Variants in EXOC6B observed in about 807,000 individuals in gnomAD.
The protein encoded by EXOC6B is exocyst complex component 6B, also known as SEC15 homolog B.
EXOC6B carries 54 observed loss-of-function variants against 113.5 expected under a neutral mutation model. The ratio of observed to expected loss-of-function variants is 0.48; its 90% confidence interval spans 0.38 to 0.60. The LOEUF (loss-of-function observed/expected upper bound fraction) is 0.60, where lower values mean the gene tolerates loss of function less well. Among genes scored for constraint, EXOC6B ranks in the 20% least tolerant of loss-of-function variants. EXOC6B has a pLI of 0.00. For missense variants in EXOC6B, 797 were observed against 977.5 expected, an observed-to-expected ratio of 0.82 and a Z score of 2.46; for synonymous variants, 357 against 339.0, an observed-to-expected ratio of 1.05 and a Z score of -0.58.
chr2:72,182,854 T>G, intron 21 of EXOC6B: 2 of 1,222,526 alleles, frequency 1.6e-6, no homozygotes, highest in Middle Eastern at 6.3e-4. Context: ...AGGACTTGCC[T>G]CAAAGTGATG....
intron 18 of EXOC6B, among the ~76,000 whole-genome samples, chr2:72,392,005 G>A (rs980352039): frequency 6.6e-6 from 1 of 152,070 alleles, no homozygotes; most frequent in Non-Finnish European, 1.5e-5. Context: ...TTCATGTAAT[G>A]AGCTGTTATT....
At chr2:72,522,098 A>G (rs531462849) in intron 8 of EXOC6B, among the ~76,000 whole-genome samples, 2 of 152,180 alleles carry the variant, frequency 1.3e-5, no homozygotes, top group Middle Eastern at 3.2e-3. Flanking sequence ...AATTTTTTTT[A>G]TCATTTAGTT....
chr2:72,438,621 C>T (rs967104279), intron 18 of EXOC6B, among the ~76,000 whole-genome samples: 1 of 151,836 alleles, frequency 6.6e-6, no homozygotes, highest in African/African-American at 2.4e-5. Flanking sequence ...AACACTATCT[C>T]TCGAGAAAAA....
intron 11 of EXOC6B, among the ~76,000 whole-genome samples, chr2:72,503,471 C>A (rs555537271): frequency 6.6e-6 from 1 of 152,248 alleles, no homozygotes; most frequent in Admixed American, 6.5e-5. Flanking sequence ...AGATTGGCTT[C>A]TTTCATTTAG....
intron 1 of EXOC6B, among the ~76,000 whole-genome samples, chr2:72,810,810 T>TGGCA (rs1685868270): frequency 6.6e-6 from 1 of 151,920 alleles, no homozygotes; most frequent in Non-Finnish European, 1.5e-5. Context: ...TAGTAGCACT[T>TGGCA]TGGAAGGCTG....
intron 6 of EXOC6B, 47 bp downstream of exon 6, chr2:72,718,056 A>C (rs777785874): frequency 6.9e-7 from 1 of 1,450,734 alleles, no homozygotes. Flanking sequence ...TGTTTAACTC[A>C]ATACTGATAA....
intron 20 of EXOC6B, among the ~76,000 whole-genome samples, chr2:72,224,705 C>T (rs1164628062): frequency 6.6e-6 from 1 of 152,044 alleles, no homozygotes; most frequent in African/African-American, 2.4e-5. Context: ...TCTCCACTCA[C>T]TGCAGCCTCA....
intron 8 of EXOC6B, among the ~76,000 whole-genome samples, chr2:72,523,957 G>T (rs1701632942): frequency 6.6e-6 from 1 of 151,592 alleles, no homozygotes; most frequent in African/African-American, 2.4e-5. Flanking sequence ...AGCAACTAAG[G>T]ACAACCATAC....
rs193024582 is a variant in EXOC6B at position 72,549,625 on chromosome 2, G to A, written c.915+9828C>T. Among the ~76,000 whole-genome samples, 309 of 152,276 alleles carry A rather than the reference G, an allele frequency of 2.0e-3. 3 individuals carry two copies. Among genetic ancestry groups the A allele is most frequent in the African/African-American group, 7.1e-3 (294 of 41,556 alleles). On this transcript the variant is annotated intron_variant, in intron 8 of 21. Coordinates refer to ENST00000272427, the MANE Select transcript of EXOC6B (RefSeq NM_015189.3). Reference sequence around the variant, plus strand: ...GAGATACAGAGTTTATGCTGCCTGTGAATATCCGAAAGGTTCTGTTCACTA... The same window carrying A: ...GAGATACAGAGTTTATGCTGCCTGTAAATATCCGAAAGGTTCTGTTCACTA...
intron 8 of EXOC6B, among the ~76,000 whole-genome samples, chr2:72,538,919 A>T (rs1001503910): frequency 1.3e-5 from 2 of 151,918 alleles, no homozygotes; most frequent in African/African-American, 4.8e-5. Flanking sequence ...ACAGAACTCT[A>T]TGGATGAGCC....
rs370314310 is a variant in EXOC6B at position 72,341,321 on chromosome 2, T to A, written c.2123-6301A>T. On this transcript the variant is annotated intron_variant, in intron 19 of 21. Coordinates refer to ENST00000272427, the MANE Select transcript of EXOC6B (RefSeq NM_015189.3). ...TACCACAATTTTAAAAAGAATAATA[T>A]CCACAAATCATGTCTGACAAAGGAC... is the stretch of plus-strand genomic sequence containing the variant. Among the ~76,000 whole-genome samples the A allele has an allele frequency of 1.3e-4, 20 of 152,212 alleles. 1 individual carries two copies. The highest frequency in any genetic ancestry group is 4.6e-4 in the African/African-American group (19 of 41,540).
intron 7 of EXOC6B, among the ~76,000 whole-genome samples, chr2:72,567,360 T>A (rs1248495207): frequency 1.3e-5 from 2 of 152,050 alleles, no homozygotes; most frequent in Non-Finnish European, 2.9e-5. Flanking sequence ...ATTCTGCAAC[T>A]ATTTTCTGGG....
chr2:72,745,052 A>C (rs988884577), intron 1 of EXOC6B, among the ~76,000 whole-genome samples: 6 of 152,166 alleles, frequency 3.9e-5, no homozygotes, highest in Non-Finnish European at 7.4e-5. Flanking sequence ...TTCTCTTAAA[A>C]GTACTAGCTT....
chr2:72,253,604 A>G (rs1683159596), intron 20 of EXOC6B, among the ~76,000 whole-genome samples: 1 of 152,188 alleles, frequency 6.6e-6, no homozygotes, highest in Admixed American at 6.5e-5. Context: ...ACAGAAAACC[A>G]AACACCGCAT....
At position 72,596,155 on chromosome 2, in the gene EXOC6B, GT is replaced by G. The variant is rs1208238645; in HGVS notation, c.670-20488del. 2.6e-5 allele frequency among the ~76,000 whole-genome samples: 4 copies of G among 152,176 alleles called. No homozygotes were observed. In the East Asian group the frequency reaches 7.7e-4, roughly 29 times the overall value. ...AGACTTCTGGTTTCAGCTCCAAAGT[GT>G]GAAAAGCTTAGAAGCTGTGACTCCC... On this transcript the variant is annotated intron_variant, in intron 6 of 21. Coordinates refer to ENST00000272427, the MANE Select transcript of EXOC6B (RefSeq NM_015189.3).
chr2:72,775,548 C>T (rs1683646838), intron 1 of EXOC6B, among the ~76,000 whole-genome samples: 1 of 151,960 alleles, frequency 6.6e-6, no homozygotes, highest in African/African-American at 2.4e-5. Flanking sequence ...TGTGGTATAA[C>T]AATATCATGG....
At chr2:72,590,674 G>A (rs1705884306) in intron 6 of EXOC6B, among the ~76,000 whole-genome samples, 1 of 151,890 alleles carries the variant, frequency 6.6e-6, no homozygotes, top group African/African-American at 2.4e-5. Context: ...ATAATCTAAT[G>A]TTTCTTTATC....
intron 20 of EXOC6B, among the ~76,000 whole-genome samples, chr2:72,274,478 G>C (rs188989480): frequency 1.1e-4 from 16 of 152,218 alleles, no homozygotes; most frequent in Admixed American, 9.2e-4. Flanking sequence ...TAAGGAGCCT[G>C]GGTTACCAGT....
intron 20 of EXOC6B, among the ~76,000 whole-genome samples, chr2:72,253,854 A>T (rs571997961): frequency 6.6e-6 from 1 of 152,302 alleles, no homozygotes; most frequent in Non-Finnish European, 1.5e-5. Flanking sequence ...CTAAAATAAA[A>T]GTTAAAAGAA....
Sources: gnomAD v4.1 joint callset for allele counts (sites outside exome capture counted in the v4.1 genomes callset) on GRCh38, gnomAD v4.1.1 for gene constraint, MANE v1.5 for transcripts, NCBI Gene and HGNC (gene_info 2026-07-23, HGNC 2026-07-21) for gene names.